The following TMEM14C variants were observed in gnomAD, a reference collection of about 807,000 sequenced individuals.
The protein encoded by TMEM14C is transmembrane protein 14C.
A neutral mutation model predicts 14.8 loss-of-function variants in TMEM14C; 13 were observed. The ratio of observed to expected loss-of-function variants is 0.88; its 90% CI spans 0.57 to 1.40. The LOEUF is 1.40. Among genes scored for constraint, TMEM14C ranks in the 40% most tolerant of loss-of-function variants. The probability of loss-of-function intolerance (pLI) is 0.00; values close to 1 mark genes in which losing one functional copy is unlikely to be tolerated. For synonymous variants in TMEM14C, 57 were observed against 51.3 expected (o/e 1.11, Z -0.48); for missense variants, 142 against 138.8 (o/e 1.02, Z -0.12).
At chr6:10,725,095 G>T in intron 3 of TMEM14C, 58 bp downstream of exon 3, 3 of 1,597,194 alleles carry the variant, frequency 1.9e-6, no homozygotes, top group Non-Finnish European at 2.6e-6. Context: ...AGTGAAATGT[G>T]AATGCCCGTG....
chr6:10,724,779 G>A, intron 2 of TMEM14C, 146 bp downstream of exon 2: 3 of 1,321,590 alleles, frequency 2.3e-6, no homozygotes, highest in Non-Finnish European at 3.2e-6. Context: ...AGAAACTTGG[G>A]TTTGAGTCCC....
chr6:10,724,576 G>T lies in TMEM14C; in HGVS notation c.-38G>T. 5 of 1,611,752 alleles carry T rather than the reference G, an allele frequency of 3.1e-6. No individual in the cohort carries two copies. The highest frequency in any genetic ancestry group is 4.2e-6 in the Non-Finnish European group (5 of 1,178,640). The stretch of plus-strand genomic sequence containing the variant: ...TCCAGCTTGTTTTCTGCAGGTGCAG[G>T]CCTGGGGTAGTCTCCTGTCTGGACA... On this transcript the variant is annotated 5_prime_UTR_variant, in exon 2 of 6. Coordinates refer to ENST00000229563, the MANE Select transcript of TMEM14C (RefSeq NM_016462.4).
chr6:10,723,696 C>T (rs1770764861), intron 1 of TMEM14C, among the ~76,000 whole-genome samples: 1 of 148,802 alleles, frequency 6.7e-6, no homozygotes, highest in Non-Finnish European at 1.5e-5. Flanking sequence ...GCCTCCTGGG[C>T]TCAAGCCATC....
intron 1 of TMEM14C, among the ~76,000 whole-genome samples, chr6:10,723,676 T>G (rs543097953): frequency 1.3e-5 from 2 of 150,568 alleles, no homozygotes; most frequent in East Asian, 3.9e-4. Context: ...TATGTCTCAT[T>G]GCAGCCTCTG....
In TMEM14C at chr6:10,730,665, A is replaced by T. The variant is rs984420326; in HGVS notation, c.338A>T (p.Ter113LeuextTer9). ...GTTAGTATGTTCAACAGACCCCATTAGCAGAAGTCATGTTCCAGCTTAGAC... is the reference window on the plus strand; with the variant it reads ...GTTAGTATGTTCAACAGACCCCATTTGCAGAAGTCATGTTCCAGCTTAGAC... ...VGVSMFNRPH[*>L] Residue 113 changes from the stop codon to leucine, a stop_lost, in exon 6 of 6, where the codon TAG becomes TTG. Coordinates refer to ENST00000229563, the MANE Select transcript of TMEM14C (RefSeq NM_016462.4). 8.1e-6 allele frequency: 13 copies of T among 1,609,458 alleles called. No individual in the cohort carries two copies. Among genetic ancestry groups the T allele is most frequent in the Non-Finnish European group, 1.1e-5 (13 of 1,176,960 alleles).
rs1481507939 is a variant in TMEM14C at position 10,723,119 on chromosome 6, G to C, written c.-167G>C. ...TACACTGCGCAGGCACAACAGAGCC[G>C]CTCCCCTCTCCTCGCCCCGCCACCG... On this transcript the variant is annotated 5_prime_UTR_variant, in exon 1 of 6. Transcript: ENST00000229563. The C allele has an allele frequency of 1.3e-5, 2 of 152,312 alleles. No homozygotes were observed. The highest frequency in any genetic ancestry group is 4.1e-4 in the South Asian group (2 of 4,840). 9.4% of individuals were successfully genotyped at this position (152,312 alleles called of 1,614,324 possible).
intron 4 of TMEM14C, 66 bp downstream of exon 4, chr6:10,726,074 T>A: frequency 6.3e-7 from 1 of 1,579,470 alleles, no homozygotes; most frequent in Non-Finnish European, 8.7e-7. Flanking sequence ...CAAAAGACCC[T>A]GGTTTGGTGG....
chr6:10,730,524 GTT>G, intron 5 of TMEM14C, 89 bp from the exon 6 acceptor site: 1 of 1,290,026 alleles, frequency 7.8e-7, no homozygotes, highest in Non-Finnish European at 1.1e-6. Flanking sequence ...CCCCCACGCA[GTT>G]GTGAGGAACC....
intron 5 of TMEM14C, 116 bp downstream of exon 5, chr6:10,728,843 C>T (rs1420198405): frequency 6.4e-7 from 1 of 1,557,184 alleles, no homozygotes; most frequent in Non-Finnish European, 8.7e-7. Flanking sequence ...TATCAACTGA[C>T]ATTTGATATA....
At chr6:10,724,877 G>T in intron 2 of TMEM14C, 84 bp from the exon 3 acceptor site, 2 of 1,520,800 alleles carry the variant, frequency 1.3e-6, no homozygotes, top group South Asian at 1.1e-5. Flanking sequence ...TGTGGGGAAT[G>T]ATTACCTTTT....
chr6:10,730,512 C>T (rs781782715), intron 5 of TMEM14C, 103 bp from the exon 6 acceptor site: 8 of 1,145,252 alleles, frequency 7.0e-6, no homozygotes, highest in Non-Finnish European at 7.5e-6. Context: ...TTAGTACCTC[C>T]TCCCCCACGC....
chr6:10,723,384 T>G (rs527752550), intron 1 of TMEM14C, 143 bp downstream of exon 1: 1 of 152,390 alleles, frequency 6.6e-6, no homozygotes, highest in African/African-American at 2.4e-5. Flanking sequence ...TCGTTGGGTA[T>G]TTTCTGCTTT....
chr6:10,725,844 G>T lies in TMEM14C; in HGVS notation c.98-63G>T, dbSNP rs978169147. The T allele has an allele frequency of 5.6e-6, 9 of 1,603,166 alleles. No individual in the cohort carries two copies. The East Asian group carries it at 6.7e-5, about 12-fold the overall frequency. ...CCTCCTTTGTAGGGCAGCGGTCTGG[G>T]GGATTCCGTTAGTGAAATAAGTGCC... is the stretch of plus-strand genomic sequence containing the variant. On this transcript the variant is annotated intron_variant, in intron 3 of 5. Transcript: ENST00000229563.
chr6:10,723,753 A>G (rs1770766619), intron 1 of TMEM14C, among the ~76,000 whole-genome samples: 1 of 151,826 alleles, frequency 6.6e-6, no homozygotes, highest in Non-Finnish European at 1.5e-5. Flanking sequence ...GTCGCATATC[A>G]CCATGCGCGA....
At chr6:10,727,758 T>G (rs962798939) in intron 4 of TMEM14C, among the ~76,000 whole-genome samples, 12 of 151,644 alleles carry the variant, frequency 7.9e-5, no homozygotes, top group African/African-American at 2.9e-4. Context: ...GAGGTGGAGG[T>G]TGCAGTGAGC....
intron 4 of TMEM14C, among the ~76,000 whole-genome samples, chr6:10,726,511 G>A (rs1398308469): frequency 1.3e-5 from 2 of 152,150 alleles, no homozygotes; most frequent in African/African-American, 2.4e-5. Flanking sequence ...CCAACATGGT[G>A]AAACCCCATC....
chr6:10,728,393 G>A (rs1003145745), intron 4 of TMEM14C, among the ~76,000 whole-genome samples: 1 of 152,182 alleles, frequency 6.6e-6, no homozygotes, highest in Non-Finnish European at 1.5e-5. Flanking sequence ...TTTTGCAGAA[G>A]ACAAGTGGTA....
intron 3 of TMEM14C, among the ~76,000 whole-genome samples, chr6:10,725,476 A>G (rs550601159): frequency 6.6e-6 from 1 of 151,118 alleles, no homozygotes; most frequent in African/African-American, 2.4e-5. Flanking sequence ...TCCCACCCCA[A>G]CCCCTGCACC....
At chr6:10,724,203 G>A (rs531804363) in intron 1 of TMEM14C, among the ~76,000 whole-genome samples, 1 of 152,312 alleles carries the variant, frequency 6.6e-6, no homozygotes, top group South Asian at 2.1e-4. Flanking sequence ...TGGATTAAGG[G>A]CACGGGAGTA....
Sources: allele counts gnomAD v4.1 joint callset (sites outside exome capture counted in the v4.1 genomes callset), GRCh38; gene constraint gnomAD v4.1.1; transcripts MANE v1.5; gene names NCBI Gene and HGNC (gene_info 2026-07-23, HGNC 2026-07-21).